CDH23: variants seen among roughly 807,000 people sequenced by gnomAD.
CDH23 encodes cadherin related 23, also known as cadherin-23.
In CDH23, 189 loss-of-function variants were observed where a neutral mutation model predicts 317.1. The observed-to-expected ratio is 0.60, with a 90% CI of 0.53 to 0.67. CDH23 has a LOEUF of 0.67. Among genes scored for constraint, CDH23 ranks in the 30% least tolerant of loss-of-function variants. The pLI is 0.00. For synonymous variants in CDH23, 1,839 were observed against 1,876.8 expected (o/e 0.98, Z 0.52); for missense variants, 4,401 against 4,592.4 (o/e 0.96, Z 1.20).
At chr10:71,466,730 T>A (rs182377475) in intron 3 of CDH23, among the ~76,000 whole-genome samples, 2 of 152,272 alleles carry the variant, frequency 1.3e-5, no homozygotes, top group East Asian at 3.9e-4. Flanking sequence ...TGGGGTGGTG[T>A]CCCGCTTACA....
At chr10:71,612,245 TG>T (rs1860945448) in intron 9 of CDH23, among the ~76,000 whole-genome samples, 4 of 151,606 alleles carry the variant, frequency 2.6e-5, no homozygotes, top group African/African-American at 9.7e-5. Flanking sequence ...TGTGTGTGTG[TG>T]TGTGTATGTA....
At chr10:71,716,465 T>G (rs1564752857) in intron 28 of CDH23, 2 of 724,480 alleles carry the variant, frequency 2.8e-6, no homozygotes, top group Non-Finnish European at 4.5e-6. Flanking sequence ...GACAGCATCA[T>G]GGCCACATCA....
chr10:71,500,712 C>T (rs933701263), intron 3 of CDH23, among the ~76,000 whole-genome samples: 1 of 152,166 alleles, frequency 6.6e-6, no homozygotes, highest in African/African-American at 2.4e-5. Flanking sequence ...TTGGGTTGGA[C>T]TCCTGGCTTG....
intron 11 of CDH23, among the ~76,000 whole-genome samples, chr10:71,642,912 G>T (rs1173580012): frequency 1.3e-5 from 2 of 152,210 alleles, no homozygotes; most frequent in African/African-American, 4.8e-5. Context: ...ACCACCTGAG[G>T]CATGGTCTAC....
intron 48 of CDH23, among the ~76,000 whole-genome samples, chr10:71,794,261 C>T (rs1478453197): frequency 6.6e-6 from 1 of 152,230 alleles, no homozygotes; most frequent in African/African-American, 2.4e-5. Context: ...CCTCGGCCTC[C>T]CAAGTGCTGG....
chr10:71,609,492 T>G (rs1271174240), intron 9 of CDH23, among the ~76,000 whole-genome samples: 1 of 152,194 alleles, frequency 6.6e-6, no homozygotes, highest in Admixed American at 6.5e-5. Flanking sequence ...AGTCTGACTC[T>G]GGGGACATCT....
chr10:71,778,346 G>C, intron 40 of CDH23, 38 bp downstream of exon 40: 1 of 1,612,330 alleles, frequency 6.2e-7, no homozygotes, highest in Non-Finnish European at 8.5e-7. Context: ...TGGGCTTGGA[G>C]GTTGGCGAAG....
At chr10:71,478,770 G>A (rs1218134513) in intron 3 of CDH23, among the ~76,000 whole-genome samples, 2 of 152,180 alleles carry the variant, frequency 1.3e-5, no homozygotes, top group Non-Finnish European at 1.5e-5. Context: ...TCCAGTGGCT[G>A]TGGAGGAATC....
intron 1 of CDH23, among the ~76,000 whole-genome samples, chr10:71,409,374 C>A (rs1335813357): frequency 6.6e-6 from 1 of 152,112 alleles, no homozygotes; most frequent in Non-Finnish European, 1.5e-5. Context: ...AGCTTAAACT[C>A]ATTGTTTAAG....
chr10:71,623,187 G>A (rs571053789), intron 11 of CDH23, among the ~76,000 whole-genome samples: 1 of 152,316 alleles, frequency 6.6e-6, no homozygotes, highest in East Asian at 1.9e-4. Flanking sequence ...GTGACAGGGT[G>A]GGATAGGGTG....
At position 71,573,844 on chromosome 10, in the gene CDH23, G is replaced by A. The variant is rs549273389; in HGVS notation, c.753+2926G>A. On this transcript the variant is annotated intron_variant, in intron 8 of 69. Coordinates refer to ENST00000224721, the MANE Select transcript of CDH23 (RefSeq NM_022124.6). ...CCTGGGGCCCACAGAATCTGCCTCC[G>A]TGTCCACACATCTCTGCCCTTCCTC... 3.9e-5 allele frequency among the ~76,000 whole-genome samples: 6 copies of A among 152,214 alleles called. No homozygotes were observed. In the South Asian group the frequency reaches 8.3e-4, roughly 21 times the overall value.
At chr10:71,601,760 A>T (rs536756720) in intron 9 of CDH23, among the ~76,000 whole-genome samples, 1 of 152,296 alleles carries the variant, frequency 6.6e-6, no homozygotes, top group East Asian at 1.9e-4. Context: ...ATTTTGTCTG[A>T]TACAAGAATC....
chr10:71,483,294 C>T (rs1425462319), intron 3 of CDH23, among the ~76,000 whole-genome samples: 1 of 152,228 alleles, frequency 6.6e-6, no homozygotes, highest in Non-Finnish European at 1.5e-5. Flanking sequence ...CACCCAAGCC[C>T]ACAAGAGGCT....
chr10:71,630,322 T>TA (rs1311163156), intron 11 of CDH23, among the ~76,000 whole-genome samples: 1 of 152,018 alleles, frequency 6.6e-6, no homozygotes, highest in Non-Finnish European at 1.5e-5. Context: ...GCACTCAACC[T>TA]AAAAATTTTT....
At chr10:71,550,324 CG>C (rs1356943968) in intron 6 of CDH23, among the ~76,000 whole-genome samples, 2 of 151,850 alleles carry the variant, frequency 1.3e-5, no homozygotes, top group African/African-American at 4.8e-5. Context: ...GCTGAGGAGT[CG>C]GGGATCGCTT....
In CDH23 at chr10:71,803,982, C is replaced by CAAA. The variant is rs35814351; in HGVS notation, c.7872+580_7872+582dup. Among the ~76,000 whole-genome samples the CAAA allele has an allele frequency of 1.5e-4, 19 of 130,690 alleles. 1 individual carries two copies. The highest frequency in any genetic ancestry group is 4.0e-4 in the African/African-American group (14 of 35,318). The allele number at this position is 130,690 out of a possible 152,430, so 85.7% of individuals were successfully genotyped here. On this transcript the variant is annotated intron_variant, in intron 55 of 69. Coordinates refer to ENST00000224721, the MANE Select transcript of CDH23 (RefSeq NM_022124.6). The stretch of plus-strand genomic sequence containing the variant: ...CCCGGGCAACAGAGTGAGACTTTGT[C>CAAA]AAAAAAAAAAAAAAAAAAAATCTTT...
At chr10:71,683,871 A>G (rs899025632) in intron 18 of CDH23, among the ~76,000 whole-genome samples, 1 of 152,102 alleles carries the variant, frequency 6.6e-6, no homozygotes, top group Non-Finnish European at 1.5e-5. Context: ...TCACGAGGTC[A>G]GGAGCTTGAG....
At chr10:71,806,057 G>T in intron 56 of CDH23, 60 bp downstream of exon 56, 1 of 1,537,236 alleles carries the variant, frequency 6.5e-7, no homozygotes, top group Non-Finnish European at 8.7e-7. Flanking sequence ...TCTGGGGGCG[G>T]GTCTTGCACC....
rs727503842 is a variant in CDH23 at position 71,809,964 on chromosome 10, G to A, written c.8867G>A (p.Arg2956His). The change falls in exon 61 of 70, where the codon CGC (arginine) becomes CAC (histidine). Residue 2956 changes from arginine (R) to histidine (H), a missense_variant. This residue lies in a region of CDH23 where 1,144 missense variants were observed against 1,138.2 expected (regional missense o/e 1.01). Transcript: ENST00000224721. ...IGIYILRDDQ[R>H]VKIVINEIPD... The stretch of plus-strand genomic sequence containing the variant: ...ATCTACATCCTGAGGGACGACCAGC[G>A]CGTCAAGATCGTCATTAACGAGATC... 7.4e-6 allele frequency: 12 copies of A among 1,612,154 alleles called. No individual in the cohort carries two copies. Among genetic ancestry groups the A allele is most frequent in the South Asian group, 3.3e-5 (3 of 91,088 alleles).
Sources: gnomAD v4.1 joint callset for allele counts (sites outside exome capture counted in the v4.1 genomes callset) on GRCh38, gnomAD v4.1.1 for gene constraint, gnomAD v4.1.1 regional missense constraint, MANE v1.5 for transcripts, NCBI Gene and HGNC (gene_info 2026-07-23, HGNC 2026-07-21) for gene names.